Variants in PPP2R2C observed in about 807,000 individuals in gnomAD.
The protein encoded by PPP2R2C is protein phosphatase 2, regulatory subunit B, gamma.
In PPP2R2C, 10 loss-of-function variants were observed where a neutral mutation model predicts 45.3. The observed-to-expected ratio is 0.22, with a 90% confidence interval of 0.14 to 0.37. PPP2R2C has a LOEUF of 0.37. Ranked by LOEUF, PPP2R2C falls within the 10% of genes least tolerant of loss-of-function variation. PPP2R2C has a pLI of 1.00. For missense variants in PPP2R2C, 308 were observed against 619.7 expected, an observed-to-expected ratio of 0.50 and a Z score of 5.34; for synonymous variants, 257 against 245.4, an observed-to-expected ratio of 1.05 and a Z score of -0.44.
At chr4:6,388,699 G>A (rs986086257) in intron 1 of PPP2R2C, among the ~76,000 whole-genome samples, 25 of 152,076 alleles carry the variant, frequency 1.6e-4, no homozygotes, top group African/African-American at 2.9e-4. Flanking sequence ...GGAAATGCCC[G>A]GAAATGCCAA....
chr4:6,537,113 G>C (rs62286150), intron 1 of PPP2R2C, among the ~76,000 whole-genome samples: 24,305 of 151,976 alleles, frequency 0.16, 2,035 homozygotes, highest in African/African-American at 0.21. Context: ...TGAGGCAAGA[G>C]AATCACTTGA....
chr4:6,511,807 T>TTGGTGGTGGTGATGGTGATGGTGGTGG (rs1723554076), intron 2 of PPP2R2C, among the ~76,000 whole-genome samples: 1 of 2,188 alleles, frequency 4.6e-4, no homozygotes, highest in Non-Finnish European at 1.3e-3. Flanking sequence ...GATGGTGGTG[T>TTGGTGGTGGTGATGGTGATGGTGGTGG]TGGTGGTGGT....
intron 1 of PPP2R2C, among the ~76,000 whole-genome samples, chr4:6,545,798 C>T (rs900341690): frequency 1.2e-4 from 19 of 152,300 alleles, no homozygotes; most frequent in African/African-American, 2.4e-4. Context: ...AGTAAGGCAA[C>T]GTTTGCTTCT....
At chr4:6,488,231 C>T (rs1031336214) in intron 2 of PPP2R2C, among the ~76,000 whole-genome samples, 1 of 152,146 alleles carries the variant, frequency 6.6e-6, no homozygotes, top group Non-Finnish European at 1.5e-5. Context: ...TTGACTTTTC[C>T]TTCATTATGA....
intron 1 of PPP2R2C, among the ~76,000 whole-genome samples, chr4:6,423,321 A>G (rs1409346092): frequency 6.6e-6 from 1 of 152,182 alleles, no homozygotes; most frequent in Non-Finnish European, 1.5e-5. Context: ...CTCCTGCCTC[A>G]GCCTCCCAAG....
chr4:6,529,100 G>A (rs1328645482), intron 2 of PPP2R2C, among the ~76,000 whole-genome samples: 2 of 152,218 alleles, frequency 1.3e-5, no homozygotes, highest in African/African-American at 4.8e-5. Flanking sequence ...GGCTTGGCTG[G>A]GACCTCACAG....
chr4:6,438,292 G>C (rs929154701), intron 1 of PPP2R2C, among the ~76,000 whole-genome samples: 1 of 152,192 alleles, frequency 6.6e-6, no homozygotes, highest in Non-Finnish European at 1.5e-5. Flanking sequence ...GCCTTTCTCA[G>C]TGTGTTAATG....
chr4:6,477,798 G>A (rs912550264), intron 2 of PPP2R2C, among the ~76,000 whole-genome samples: 2 of 150,392 alleles, frequency 1.3e-5, no homozygotes, highest in Non-Finnish European at 3.0e-5. Context: ...ATGCACTGGA[G>A]TCATCCCGAC....
Position 6,345,825 on chromosome 4 carries a change from A to G in PPP2R2C, c.790+2021T>C, listed in dbSNP as rs543882754. On this transcript the variant is annotated intron_variant, in intron 6 of 8. Transcript: ENST00000382599. The surrounding 1 kb of genome is among the most constrained non-coding windows in gnomAD (Gnocchi z 5.3). ...GCCCCGAGCCCCCTGCACCCCGGGA[A>G]TCTCAGCTGGTCTCCAGCCTCCCAT... 1.2e-4 allele frequency among the ~76,000 whole-genome samples: 18 copies of G among 152,174 alleles called. No homozygotes were observed. Among genetic ancestry groups the G allele is most frequent in the Non-Finnish European group, 2.6e-4 (18 of 67,990 alleles).
At position 6,413,976 on chromosome 4, in the gene PPP2R2C, T is replaced by C; in HGVS notation, c.71-32882A>G. On this transcript the variant is annotated intron_variant, in intron 1 of 8. Coordinates refer to ENST00000382599, the MANE Select transcript of PPP2R2C (RefSeq NM_020416.4). ...AGGCTGCTCCCTGGTGGCTCTGCAG[T>C]TGGCTACTGCCATGTTGCCAGTCAA... The C allele has an allele frequency of 2.0e-6, 3 of 1,535,850 alleles. No individual in the cohort carries two copies. The South Asian group carries it at 3.6e-5, about 18-fold the overall frequency.
intron 4 of PPP2R2C, among the ~76,000 whole-genome samples, chr4:6,375,317 T>TGTGTGTCTGTTTCAGG (rs1715211785): frequency 6.6e-6 from 1 of 152,328 alleles, no homozygotes; most frequent in Non-Finnish European, 1.5e-5. Context: ...GCTGGGCACG[T>TGTGTGTCTGTTTCAGG]GTGTGTCTGT....
intron 1 of PPP2R2C, among the ~76,000 whole-genome samples, chr4:6,554,924 AAGGAAG>A (rs1725319762): frequency 2.1e-5 from 2 of 96,018 alleles, no homozygotes; most frequent in Admixed American, 1.2e-4. Flanking sequence ...GGAAGGAAGG[AAGGAAG>A]GAAAGAAAGA....
In PPP2R2C at chr4:6,450,149, G is replaced by T. The variant is rs79105614; in HGVS notation, c.70+22011C>A. 1.4e-3 allele frequency among the ~76,000 whole-genome samples: 220 copies of T among 152,328 alleles called. 2 individuals carry two copies. The highest frequency in any genetic ancestry group is 5.1e-3 in the African/African-American group (212 of 41,578). ...AGGCTGGGGCCAAATCCCAATTCCA[G>T]CATCCCTGCCGGCTGTGCAGCCCTC... On this transcript the variant is annotated intron_variant, in intron 1 of 8. Transcript: ENST00000382599.
chr4:6,356,939 C>T (rs1425286058), intron 5 of PPP2R2C, among the ~76,000 whole-genome samples: 1 of 150,254 alleles, frequency 6.7e-6, no homozygotes, highest in Non-Finnish European at 1.5e-5. Flanking sequence ...GCCTCAAATC[C>T]CCCTTTCATC....
At chr4:6,340,025 C>T (rs558325844) in intron 6 of PPP2R2C, among the ~76,000 whole-genome samples, 1 of 152,294 alleles carries the variant, frequency 6.6e-6, no homozygotes, top group African/African-American at 2.4e-5. Context: ...GGCCTCTTTC[C>T]CTATCCCTGA....
At chr4:6,371,736 T>C (rs908114446) in intron 5 of PPP2R2C, among the ~76,000 whole-genome samples, 11 of 152,324 alleles carry the variant, frequency 7.2e-5, no homozygotes, top group Non-Finnish European at 1.2e-4. Context: ...ACCTACCTCA[T>C]AGGGTTGTTG....
rs981201831 is a variant in PPP2R2C at position 6,364,819 on chromosome 4, A to G, written c.625+7704T>C. ...AGGTCACCATCATGATCAGAGTGAG[A>G]CAGTGGCCTAAACACATGCTGGGGG... On this transcript the variant is annotated intron_variant, in intron 5 of 8. Coordinates refer to ENST00000382599, the MANE Select transcript of PPP2R2C (RefSeq NM_020416.4). This position sits in a 1 kb window ranked among gnomAD's most constrained non-coding sequence, Gnocchi z 5.3. 1.3e-5 allele frequency among the ~76,000 whole-genome samples: 2 copies of G among 152,152 alleles called. No homozygotes were observed. The highest frequency in any genetic ancestry group is 2.4e-5 in the African/African-American group (1 of 41,446).
chr4:6,324,623 A>T lies in PPP2R2C; in HGVS notation c.1053-1030T>A. ...GTCCCGAGGACTCGGGCGAATAAAC[A>T]AACATGCATCGCCATGAGGGTCGGG... On this transcript the variant is annotated intron_variant, in intron 8 of 8. Coordinates refer to ENST00000382599, the MANE Select transcript of PPP2R2C (RefSeq NM_020416.4). This position sits in a 1 kb window ranked among gnomAD's most constrained non-coding sequence, Gnocchi z 4.1. Among the ~76,000 whole-genome samples, 1 of 152,170 alleles carries T rather than the reference A, an allele frequency of 6.6e-6. No individual in the cohort carries two copies. Among genetic ancestry groups the T allele is most frequent in the East Asian group, 1.9e-4 (1 of 5,178 alleles).
intron 2 of PPP2R2C, among the ~76,000 whole-genome samples, chr4:6,534,820 T>C (rs984098228): frequency 9.2e-5 from 14 of 152,228 alleles, no homozygotes; most frequent in African/African-American, 3.4e-4. Context: ...ACAGACTGAC[T>C]CTGTCTGTCT....
Sources: gnomAD v4.1 joint callset for allele counts (sites outside exome capture counted in the v4.1 genomes callset) on GRCh38, gnomAD v4.1.1 for gene constraint, Gnocchi (gnomAD v3.1) non-coding constraint, MANE v1.5 for transcripts, NCBI Gene and HGNC (gene_info 2026-07-23, HGNC 2026-07-21) for gene names.